Variants in CIMAP1B observed in about 807,000 individuals in gnomAD.
CIMAP1B encodes the protein orf2 5' to PD-ECGF/TP.
chr22:50,532,004 C>A, the CIMAP1B span: 128 of 1,360,114 alleles, frequency 9.4e-5, no homozygotes, highest in Middle Eastern at 2.1e-4. Flanking sequence ...GGGCCCGGGG[C>A]CTCCGTAGTG....
the CIMAP1B span, chr22:50,530,506 G>A: frequency 6.2e-7 from 1 of 1,600,786 alleles, no homozygotes. Flanking sequence ...GTCACCAGCG[G>A]GGCCAGGTAG....
the CIMAP1B span, chr22:50,531,310 A>G: frequency 6.3e-7 from 1 of 1,598,416 alleles, no homozygotes; most frequent in East Asian, 2.2e-5. Context: ...GGGGCGGATC[A>G]AGGGTGTGGG....
At chr22:50,530,816 C>A in the CIMAP1B span, 1 of 1,604,924 alleles carries the variant, frequency 6.2e-7, no homozygotes, top group Non-Finnish European at 8.5e-7. Context: ...TTGTAGACCC[C>A]TGGACTCACG....
the CIMAP1B span, chr22:50,531,289 T>C: frequency 1.2e-6 from 2 of 1,607,648 alleles, no homozygotes; most frequent in Non-Finnish European, 8.5e-7. Flanking sequence ...CTCCGGGAAG[T>C]ACCTGCCTGC....
chr22:50,531,801 C>T, the CIMAP1B span: 122 of 1,350,342 alleles, frequency 9.0e-5, no homozygotes, highest in Non-Finnish European at 1.1e-4. Context: ...AGCGTCTGGC[C>T]GGGCCCAGCC....
At chr22:50,531,412 G>T in the CIMAP1B span, 1 of 1,086,998 alleles carries the variant, frequency 9.2e-7, no homozygotes, top group East Asian at 2.6e-5. Flanking sequence ...AAGCCCCGTG[G>T]GGTTCGGGGT....
chr22:50,530,913 CG>C, the CIMAP1B span: 10 of 1,609,314 alleles, frequency 6.2e-6, no homozygotes, highest in Non-Finnish European at 8.5e-6. Flanking sequence ...GGACCCCCTG[CG>C]TCCGCCCCGG....
At chr22:50,530,569 C>T in the CIMAP1B span, 3 of 1,581,406 alleles carry the variant, frequency 1.9e-6, no homozygotes, top group East Asian at 4.6e-5. Flanking sequence ...TGCTGCGGGC[C>T]CGGAGACACC....
At chr22:50,530,638 C>T in the CIMAP1B span, 1 of 1,581,556 alleles carries the variant, frequency 6.3e-7, no homozygotes, top group Non-Finnish European at 8.6e-7. Flanking sequence ...CCCGGGGACT[C>T]TGATCCCATC....
chr22:50,532,396 G>C, the CIMAP1B span: 1 of 274,780 alleles, frequency 3.6e-6, no homozygotes, highest in Non-Finnish European at 6.8e-6. Context: ...TGGGGTGGGG[G>C]CAGGAGATTT....
the CIMAP1B span, chr22:50,531,390 C>T: frequency 9.5e-6 from 11 of 1,157,544 alleles, no homozygotes; most frequent in African/African-American, 1.6e-5. Flanking sequence ...GAGTCTGAGC[C>T]ACGATTTATC....
At chr22:50,532,260 T>A in the CIMAP1B span, 8 of 833,058 alleles carry the variant, frequency 9.6e-6, no homozygotes. Flanking sequence ...CCTTCCCGGC[T>A]GTGTGGAGCT....
chr22:50,531,931 C>T, the CIMAP1B span: 4 of 1,312,352 alleles, frequency 3.0e-6, no homozygotes, highest in East Asian at 3.1e-5. Context: ...CCCCCAGGCG[C>T]CGTCCCACCC....
At chr22:50,530,616 G>A in the CIMAP1B span, 1 of 1,564,330 alleles carries the variant, frequency 6.4e-7, no homozygotes, top group Middle Eastern at 1.7e-4. Context: ...TCCGCGCCGG[G>A]ACCCCTGGAC....
chr22:50,531,002 A>T, the CIMAP1B span: 2 of 1,610,828 alleles, frequency 1.2e-6, no homozygotes, highest in South Asian at 2.2e-5. Flanking sequence ...GTTGGGGCGG[A>T]GACTTTGCCG....
At chr22:50,531,137 C>T in the CIMAP1B span, 1 of 1,591,742 alleles carries the variant, frequency 6.3e-7, no homozygotes. Context: ...GAGGGCGGTC[C>T]CCGGTCTCGA....
the CIMAP1B span, chr22:50,530,619 C>G: frequency 3.8e-6 from 6 of 1,567,218 alleles, no homozygotes; most frequent in Non-Finnish European, 4.3e-6. Flanking sequence ...GCGCCGGGAC[C>G]CCTGGACCCC....
At chr22:50,531,562 G>A in the CIMAP1B span, 2 of 1,425,322 alleles carry the variant, frequency 1.4e-6, no homozygotes, top group Middle Eastern at 1.8e-4. Flanking sequence ...GGGCCCGGGG[G>A]TCCTGACCAG....
At chr22:50,531,078 C>T in the CIMAP1B span, 3 of 1,602,502 alleles carry the variant, frequency 1.9e-6, no homozygotes, top group Non-Finnish European at 2.6e-6. Flanking sequence ...AGGCAGGGCT[C>T]GGGGGTAGTG....
Sources: allele counts gnomAD v4.1 joint callset, GRCh38; gene constraint gnomAD v4.1.1; transcripts MANE v1.5; gene names NCBI Gene and HGNC (gene_info 2026-07-23, HGNC 2026-07-21).